SEMA4D: variants seen among roughly 807,000 people sequenced by gnomAD.
SEMA4D encodes semaphorin 4D.
Under a neutral mutation model 74.8 loss-of-function variants are expected in SEMA4D, and 22 were observed. The observed-to-expected ratio is 0.29, with a 90% CI of 0.21 to 0.42. The LOEUF (loss-of-function observed/expected upper bound fraction) is 0.42, where lower values mean the gene tolerates loss of function less well. SEMA4D is among the 10% of genes least tolerant of loss of function. The pLI is 1.00. For synonymous variants in SEMA4D, 445 were observed against 463.7 expected, an observed-to-expected ratio of 0.96 and a Z score of 0.52; for missense variants, 937 against 1,118.4, an observed-to-expected ratio of 0.84 and a Z score of 2.31.
rs761914628 is a variant in SEMA4D, at chr9:89,402,977, T to C, written c.146A>G (p.Asn49Ser). The change falls in exon 4 of 16, where the codon AAC (asparagine) becomes AGC (serine). Residue 49 changes from asparagine (N) to serine (S), a missense_variant. Asn to Ser is a conservative substitution (Grantham distance 46). Coordinates refer to ENST00000422704, the MANE Select transcript of SEMA4D (RefSeq NM_001371194.2). ...LVQFHEPDIY[N>S]YSALLLSEDK... ...CTCGCTCAGCAGCAAGGCTGAGTAG[T>C]TGTAGATGTCTGGCTCATGAAACTG... is the stretch of plus-strand genomic sequence containing the variant. The C allele has an allele frequency of 6.2e-7, 1 of 1,613,320 alleles. No individual in the cohort carries two copies.
chr9:89,389,060 C>T lies in SEMA4D; in HGVS notation c.775-13G>A, dbSNP rs769544321. 33 of 1,613,834 alleles carry T rather than the reference C, an allele frequency of 2.0e-5. No homozygotes were observed. The highest frequency in any genetic ancestry group is 2.8e-5 in the Non-Finnish European group (33 of 1,179,782). On this transcript the variant is annotated splice_polypyrimidine_tract_variant and intron_variant, in intron 9 of 15. Transcript: ENST00000422704. ...CGCCCTGGTCCCCCTAAAACCCCAA[C>T]AAGAAGACGTGGTGGGCCGAGAGTG...
intron 1 of SEMA4D, among the ~76,000 whole-genome samples, chr9:89,488,281 C>A (rs2136245009): frequency 6.8e-6 from 1 of 146,128 alleles, no homozygotes; most frequent in South Asian, 2.2e-4. Flanking sequence ...AATCGGAAGT[C>A]TACATGTAAA....
intron 16 of SEMA4D, chr9:89,368,756 C>A (rs973417953): frequency 6.6e-6 from 1 of 152,358 alleles, no homozygotes; most frequent in Non-Finnish European, 1.5e-5. Flanking sequence ...CCAGCCCCAG[C>A]GCTTCTGGAA....
chr9:89,387,539 A>G lies in SEMA4D; in HGVS notation c.1177T>C (p.Phe393Leu), dbSNP rs1477517489. ...TCCATCAAAGGGTGGTCTTTAACGA[A>G]CTGCAGCGTCTTGTCTGGCAAATTC... ...SLNLPDKTLQ[F>L]VKDHPLMDDS... Residue 393 changes from phenylalanine (F) to leucine (L), a missense_variant, in exon 12 of 16, where the codon TTC becomes CTC. Transcript: ENST00000422704. The G allele has an allele frequency of 6.2e-7, 1 of 1,614,224 alleles. No homozygotes were observed.
At chr9:89,393,480 A>C in intron 7 of SEMA4D, 82 bp downstream of exon 7, 1 of 1,198,858 alleles carries the variant, frequency 8.3e-7, no homozygotes, top group African/African-American at 1.5e-5. Flanking sequence ...ACAGCACTTC[A>C]GAGAAGATCC....
intron 7 of SEMA4D, among the ~76,000 whole-genome samples, chr9:89,393,023 G>A (rs1156930051): frequency 6.6e-6 from 1 of 152,188 alleles, no homozygotes; most frequent in East Asian, 1.9e-4. Flanking sequence ...TTCCCAGGCT[G>A]GTCTCAAACT....
At chr9:89,365,069 G>A (rs1020344729) in intron 16 of SEMA4D, 3 of 152,292 alleles carry the variant, frequency 2.0e-5, no homozygotes, top group Admixed American at 6.5e-5. Context: ...TCAACTCCCT[G>A]TTCTTACTGA....
intron 2 of SEMA4D, among the ~76,000 whole-genome samples, chr9:89,409,734 CA>C (rs1445771802): frequency 6.6e-6 from 1 of 152,142 alleles, no homozygotes. Context: ...AGGCCCAGTT[CA>C]TTTCGGGTCA....
At chr9:89,426,914 C>G (rs569849772) in intron 2 of SEMA4D, among the ~76,000 whole-genome samples, 2 of 152,150 alleles carry the variant, frequency 1.3e-5, no homozygotes, top group African/African-American at 4.8e-5. Context: ...ACCACAACAC[C>G]CGGCTACGAT....
rs143708905 is a variant in SEMA4D, at chr9:89,413,527, G to A, written c.-243-7828C>T. Among the ~76,000 whole-genome samples the A allele has an allele frequency of 2.5e-3, 377 of 152,348 alleles. 2 individuals carry two copies. Among genetic ancestry groups the A allele is most frequent in the African/African-American group, 8.2e-3 (343 of 41,578 alleles). On this transcript the variant is annotated intron_variant, in intron 2 of 15. Transcript: ENST00000422704. ...GTATGTGTGCACATGAACCCGCATA[G>A]ATATGTGCACCTATCCATGTTTGTA... is the stretch of plus-strand genomic sequence containing the variant.
chr9:89,467,401 A>G (rs1272502017), intron 1 of SEMA4D, among the ~76,000 whole-genome samples: 3 of 151,154 alleles, frequency 2.0e-5, no homozygotes, highest in African/African-American at 7.3e-5. Flanking sequence ...CATCAGTTAC[A>G]TAAGGACATA....
chr9:89,373,728 G>C (rs551497871), downstream of SEMA4D, among the ~76,000 whole-genome samples: 7 of 152,292 alleles, frequency 4.6e-5, no homozygotes, highest in East Asian at 1.4e-3. Flanking sequence ...TGGGTGGCTG[G>C]GGGAGGACAC....
rs551194719 is a variant in SEMA4D at position 89,445,125 on chromosome 9, C to T, written c.-244+10763G>A. Among the ~76,000 whole-genome samples the T allele has an allele frequency of 5.0e-4, 76 of 152,214 alleles. 1 individual carries two copies. Among genetic ancestry groups the T allele is most frequent in the Middle Eastern group, 3.4e-3 (1 of 294 alleles). On this transcript the variant is annotated intron_variant, in intron 2 of 15. Coordinates refer to ENST00000422704, the MANE Select transcript of SEMA4D (RefSeq NM_001371194.2). ...AGTTTATAGTGTTTCATGCCACCGC[C>T]GAAAGAAGGTGCTGGAACAGGGAGC...
At chr9:89,449,048 G>A (rs957037748) in intron 2 of SEMA4D, among the ~76,000 whole-genome samples, 5 of 152,186 alleles carry the variant, frequency 3.3e-5, no homozygotes, top group Non-Finnish European at 7.3e-5. Context: ...AATACACTGT[G>A]TAAGTCTTAC....
At chr9:89,444,062 G>A (rs907168506) in intron 2 of SEMA4D, among the ~76,000 whole-genome samples, 1 of 152,220 alleles carries the variant, frequency 6.6e-6, no homozygotes, top group African/African-American at 2.4e-5. Context: ...TCCCTGACAC[G>A]AAGGGTTCTC....
At chr9:89,392,342 G>A in intron 8 of SEMA4D, 81 bp downstream of exon 8, 1 of 1,145,618 alleles carries the variant, frequency 8.7e-7, no homozygotes, top group South Asian at 1.3e-5. Context: ...CCAGGGCTCA[G>A]AGACAGAAAA....
Position 89,445,387 on chromosome 9 carries a change from A to C in SEMA4D, c.-244+10501T>G, listed in dbSNP as rs564839868. Among the ~76,000 whole-genome samples the C allele has an allele frequency of 2.4e-3, 360 of 152,284 alleles. 1 individual carries two copies. The highest frequency in any genetic ancestry group is 4.2e-3 in the Non-Finnish European group (285 of 68,018). ...AGTGACCACAAACTGGGTGGCTTACAACAACAGAAGTGTATTCCCTCACAG... is the reference window on the plus strand; with the variant it reads ...AGTGACCACAAACTGGGTGGCTTACCACAACAGAAGTGTATTCCCTCACAG... On this transcript the variant is annotated intron_variant, in intron 2 of 15. Transcript: ENST00000422704.
chr9:89,440,327 C>G (rs1465161022), intron 2 of SEMA4D, among the ~76,000 whole-genome samples: 1 of 152,234 alleles, frequency 6.6e-6, no homozygotes, highest in East Asian at 1.9e-4. Context: ...TCACCCACCC[C>G]CATGGTATAG....
chr9:89,386,076 G>T (rs1838402196), intron 13 of SEMA4D: 1 of 985,310 alleles, frequency 1.0e-6, no homozygotes, highest in African/African-American at 1.7e-5. Flanking sequence ...TCTTCATGGA[G>T]CAGTGCCCAC....
Sources: allele counts gnomAD v4.1 joint callset (sites outside exome capture counted in the v4.1 genomes callset), GRCh38; gene constraint gnomAD v4.1.1; transcripts MANE v1.5; gene names NCBI Gene and HGNC (gene_info 2026-07-23, HGNC 2026-07-21).